The following PAK2 variants were observed in gnomAD, a reference collection of about 807,000 sequenced individuals.
The protein encoded by PAK2 is p21 (RAC1) activated kinase 2.
PAK2 carries 21 observed loss-of-function variants against 65.9 expected under a neutral mutation model. The observed-to-expected ratio is 0.32, with a 90% CI of 0.23 to 0.46. The LOEUF is 0.46. Ranked by LOEUF, PAK2 falls within the 20% of genes least tolerant of loss-of-function variation. PAK2 has a pLI of 1.00. For synonymous variants in PAK2, 204 were observed against 219.7 expected (o/e 0.93, Z 0.63); for missense variants, 324 against 642.6 (o/e 0.50, Z 5.36).
intron 1 of PAK2, among the ~76,000 whole-genome samples, chr3:196,772,021 C>T (rs61031519): frequency 0.026 from 3,904 of 152,118 alleles, 64 homozygotes; most frequent in Middle Eastern, 0.068. Context: ...TTTTCATATT[C>T]GCTCTATTCT....
chr3:196,759,489 GTTTTTTTTGT>G (rs1713877566), intron 1 of PAK2, among the ~76,000 whole-genome samples: 8 of 98,874 alleles, frequency 8.1e-5, no homozygotes, highest in African/African-American at 3.0e-4. Flanking sequence ...CAGTTAAGTG[GTTTTTTTTGT>G]TTTTTTTTTT....
At position 196,830,268 on chromosome 3, in the gene PAK2, T is replaced by C. The variant is rs1712029795; in HGVS notation, c.*1863T>C. The C allele has an allele frequency of 6.6e-6, 1 of 152,208 alleles. No homozygotes were observed. The highest frequency in any genetic ancestry group is 1.5e-5 in the Non-Finnish European group (1 of 68,028). 9.4% of individuals were successfully genotyped at this position (152,208 alleles called of 1,614,324 possible). ...AATGAAACATATTTAGAGCACTTAA[T>C]GGTCTCTGTTTTCAATATAATTCTT... On this transcript the variant is annotated 3_prime_UTR_variant, in exon 15 of 15. Transcript: ENST00000327134.
intron 2 of PAK2, among the ~76,000 whole-genome samples, chr3:196,798,014 A>T (rs1208883490): frequency 6.6e-6 from 1 of 152,226 alleles, no homozygotes; most frequent in Non-Finnish European, 1.5e-5. Context: ...AAAGATTTTA[A>T]ATCAATGACT....
intron 1 of PAK2, among the ~76,000 whole-genome samples, chr3:196,766,976 A>T (rs866237722): frequency 1.2e-5 from 1 of 81,438 alleles, no homozygotes; most frequent in African/African-American, 4.1e-5. Context: ...GTGTGTGTGT[A>T]TTGATACACC....
intron 1 of PAK2, among the ~76,000 whole-genome samples, chr3:196,758,996 T>C (rs747243198): frequency 6.6e-6 from 1 of 152,164 alleles, no homozygotes; most frequent in Non-Finnish European, 1.5e-5. Context: ...AACTTACACA[T>C]TTTTATTCTC....
At chr3:196,827,372 CT>C in intron 14 of PAK2, 39 bp downstream of exon 14, 3 of 1,580,940 alleles carry the variant, frequency 1.9e-6, no homozygotes, top group Non-Finnish European at 2.6e-6. Flanking sequence ...GAATAGTTGA[CT>C]TTTTTGGTAA....
intron 1 of PAK2, among the ~76,000 whole-genome samples, chr3:196,768,853 A>G (rs969376765): frequency 1.3e-5 from 2 of 151,652 alleles, no homozygotes; most frequent in Admixed American, 6.6e-5. Flanking sequence ...TTTAGTGGAG[A>G]CAGGGTTTCA....
At chr3:196,762,123 C>G (rs868660272) in intron 1 of PAK2, among the ~76,000 whole-genome samples, 1 of 128,856 alleles carries the variant, frequency 7.8e-6, no homozygotes, top group African/African-American at 2.9e-5. Context: ...AGGCGTCCCC[C>G]ACATCTCAGA....
intron 13 of PAK2, among the ~76,000 whole-genome samples, chr3:196,822,911 G>A (rs1001249361): frequency 7.9e-5 from 12 of 152,168 alleles, no homozygotes; most frequent in Non-Finnish European, 1.6e-4. Context: ...CACAGCTGGC[G>A]TACGCTGAGC....
chr3:196,821,088 G>A (rs1195015651), intron 13 of PAK2, among the ~76,000 whole-genome samples: 2 of 152,086 alleles, frequency 1.3e-5, no homozygotes, highest in Non-Finnish European at 2.9e-5. Flanking sequence ...TGATCCACTC[G>A]CCTCGGCTTC....
chr3:196,816,678 T>G (rs570515147), intron 11 of PAK2, among the ~76,000 whole-genome samples: 3 of 152,302 alleles, frequency 2.0e-5, no homozygotes, highest in Admixed American at 6.5e-5. Context: ...TAGAAGATTT[T>G]GGATGAGATT....
At chr3:196,817,940 G>A in intron 11 of PAK2, 117 bp from the exon 12 acceptor site, 1 of 473,620 alleles carries the variant, frequency 2.1e-6, no homozygotes, top group Non-Finnish European at 3.8e-6. Context: ...ATAAATAAAA[G>A]TATTGGAGGG....
intron 2 of PAK2, chr3:196,785,225 C>A (rs1309309903): frequency 6.6e-6 from 1 of 152,044 alleles, no homozygotes; most frequent in East Asian, 1.9e-4. Context: ...GTTGTGCACA[C>A]AGTGAAAACG....
intron 1 of PAK2, among the ~76,000 whole-genome samples, chr3:196,747,966 C>T (rs776452650): frequency 1.3e-5 from 2 of 152,216 alleles, no homozygotes; most frequent in Non-Finnish European, 2.9e-5. Flanking sequence ...ACCCCCACTC[C>T]GCATCTAACT....
At chr3:196,808,035 C>T (rs1715641979) in intron 7 of PAK2, 121 bp downstream of exon 7, 4 of 885,040 alleles carry the variant, frequency 4.5e-6, no homozygotes, top group Non-Finnish European at 3.4e-6. Context: ...AAATTGTTTC[C>T]TTATAGCAAC....
intron 2 of PAK2, among the ~76,000 whole-genome samples, chr3:196,789,798 G>T (rs1308615922): frequency 6.6e-6 from 1 of 152,166 alleles, no homozygotes; most frequent in Non-Finnish European, 1.5e-5. Flanking sequence ...TGACGGGGGG[G>T]TGGTTTCGGT....
At position 196,828,494 on chromosome 3, in the gene PAK2, A is replaced by C. The variant is rs1711958564; in HGVS notation, c.*89A>C. 1 of 817,948 alleles carries C rather than the reference A, an allele frequency of 1.2e-6. No individual in the cohort carries two copies. Among genetic ancestry groups the C allele is most frequent in the African/African-American group, 1.7e-5 (1 of 58,294 alleles). 50.7% of individuals were successfully genotyped at this position (817,948 alleles called of 1,614,324 possible). A position where few individuals can be genotyped will look rare whatever the true frequency, so the allele number is the denominator to read the frequency against. On this transcript the variant is annotated 3_prime_UTR_variant, in exon 15 of 15. Transcript: ENST00000327134. ...AATTATTACTCTTTTTGGGGTTTAAAGAAATGGTCTGCATAACCTGAATGA... is the reference window on the plus strand; with the variant it reads ...AATTATTACTCTTTTTGGGGTTTAACGAAATGGTCTGCATAACCTGAATGA...
intron 6 of PAK2, among the ~76,000 whole-genome samples, chr3:196,807,141 T>C (rs1434650201): frequency 6.6e-6 from 1 of 152,158 alleles, no homozygotes; most frequent in African/African-American, 2.4e-5. Flanking sequence ...ATTTTAAAAA[T>C]GATGACCTTA....
chr3:196,812,351 G>A (rs904044406), intron 9 of PAK2, 84 bp downstream of exon 9: 4 of 840,638 alleles, frequency 4.8e-6, no homozygotes, highest in Non-Finnish European at 8.3e-6. Context: ...GAAGCAATAG[G>A]AACCTCTTTT....
Sources: gnomAD v4.1 joint callset for allele counts (sites outside exome capture counted in the v4.1 genomes callset) on GRCh38, gnomAD v4.1.1 for gene constraint, MANE v1.5 for transcripts, NCBI Gene and HGNC (gene_info 2026-07-23, HGNC 2026-07-21) for gene names.